The following FNDC8 variants were observed in gnomAD, a reference collection of about 807,000 sequenced individuals.
The protein encoded by FNDC8 is fibronectin type III domain-containing protein 8.
FNDC8 carries 23 observed loss-of-function variants against 24.8 expected under a neutral mutation model. That is an observed-to-expected ratio of 0.93 (90% CI 0.67 to 1.31). The LOEUF (loss-of-function observed/expected upper bound fraction) is 1.31, where lower values mean the gene tolerates loss of function less well. FNDC8 is among the 40% of genes most tolerant of loss of function. The pLI, the probability that FNDC8 is intolerant of heterozygous loss-of-function variation, is 0.00. For missense variants in FNDC8, 371 were observed against 398.2 expected, an observed-to-expected ratio of 0.93 and a Z score of 0.58; for synonymous variants, 158 against 165.3, an observed-to-expected ratio of 0.96 and a Z score of 0.34.
chr17:35,129,989 A>G, intron 3 of FNDC8: 1 of 1,378,280 alleles, frequency 7.3e-7, no homozygotes, highest in Non-Finnish European at 9.4e-7. Context: ...AGAAATAGGG[A>G]AGACAAGAGG....
chr17:35,129,956 G>C, intron 3 of FNDC8: 1 of 1,373,040 alleles, frequency 7.3e-7, no homozygotes, highest in Non-Finnish European at 9.4e-7. Context: ...TTGTGAGTAG[G>C]CTGGGAAGTC....
At position 35,129,460 on chromosome 17, in the gene FNDC8, T is replaced by C; in HGVS notation, c.624T>C (p.Ser208=). The change falls in exon 3 of 4, where the codon AGT becomes AGC. Residue 208 remains serine, a synonymous_variant. Coordinates refer to ENST00000158009, the MANE Select transcript of FNDC8 (RefSeq NM_017559.4). ...ACGCCTTGGGCAAGCAGCCGGTCAG[T>C]TTCTACCAGCTCCTGTTACAGGAGG... is the stretch of plus-strand genomic sequence containing the variant. The part of the protein sequence containing the change: ...WTYALGKQPV[S]FYQLLLQEVA... 10 of 1,614,162 alleles carry C rather than the reference T, an allele frequency of 6.2e-6. No homozygotes were observed. The highest frequency in any genetic ancestry group is 8.5e-6 in the Non-Finnish European group (10 of 1,180,022).
At chr17:35,130,242 C>T (rs776798336) in intron 3 of FNDC8, 40 bp from the exon 4 acceptor site, 1 of 1,603,380 alleles carries the variant, frequency 6.2e-7, no homozygotes. Flanking sequence ...AGGTTCAGAT[C>T]TGGGAAGGAA....
At chr17:35,129,164 T>A in intron 2 of FNDC8, 1 of 425,978 alleles carries the variant, frequency 2.3e-6, no homozygotes, top group Non-Finnish European at 4.3e-6. Context: ...GCCCAAGGGT[T>A]GAGGACCCCT....
chr17:35,126,497 C>CATTTTTT lies in FNDC8; in HGVS notation c.210-545_210-544insATTTTTT, dbSNP rs1555571324. On this transcript the variant is annotated intron_variant, in intron 1 of 3. Coordinates refer to ENST00000158009, the MANE Select transcript of FNDC8 (RefSeq NM_017559.4). ...AACACTTGCATCAGGATTTTCTAAG[C>CATTTTTT]TTTTTTTTTTTTTTTTTTTTTTTGA... 9.8e-5 allele frequency among the ~76,000 whole-genome samples: 11 copies of CATTTTTT among 112,046 alleles called. 2 individuals are homozygous for CATTTTTT. The highest frequency in any genetic ancestry group is 5.4e-5 in the Non-Finnish European group (3 of 55,106). 73.5% of individuals were successfully genotyped at this position (112,046 alleles called of 152,430 possible).
chr17:35,122,177 T>A (rs1245970513), intron 1 of FNDC8, among the ~76,000 whole-genome samples: 4 of 27,164 alleles, frequency 1.5e-4, no homozygotes, highest in African/African-American at 7.6e-4. Flanking sequence ...TATATATATA[T>A]ATATATATAT....
In FNDC8 at chr17:35,130,567, C is replaced by G. The variant is rs748360891; in HGVS notation, c.*133C>G. 5.3e-5 allele frequency: 50 copies of G among 947,686 alleles called. No individual in the cohort carries two copies. Among genetic ancestry groups the G allele is most frequent in the Non-Finnish European group, 7.4e-5 (48 of 651,878 alleles). 58.7% of individuals were successfully genotyped at this position (947,686 alleles called of 1,614,324 possible). A position where few individuals can be genotyped will look rare whatever the true frequency, so the allele number is the denominator to read the frequency against. ...GTCTGGCAGAGTGGTATGGGCACCC[C>G]ACCCCTGGGCTGGGGCCAAGGCTAC... On this transcript the variant is annotated 3_prime_UTR_variant, in exon 4 of 4. Coordinates refer to ENST00000158009, the MANE Select transcript of FNDC8 (RefSeq NM_017559.4).
At chr17:35,123,760 CA>C (rs371409392) in intron 1 of FNDC8, among the ~76,000 whole-genome samples, 1,570 of 139,886 alleles carry the variant, frequency 0.011, 25 homozygotes, top group African/African-American at 0.037. Context: ...CAAAACAAAA[CA>C]AAAAAAAAAA....
chr17:35,128,371 T>C (rs2091857089), intron 2 of FNDC8, among the ~76,000 whole-genome samples: 1 of 152,252 alleles, frequency 6.6e-6, no homozygotes, highest in Non-Finnish European at 1.5e-5. Flanking sequence ...TCCTCCAGGG[T>C]ATTCTAATGC....
chr17:35,130,730 G>A lies in FNDC8; in HGVS notation c.*296G>A. 1 of 354,638 alleles carries A rather than the reference G, an allele frequency of 2.8e-6. No homozygotes were observed. The highest frequency in any genetic ancestry group is 4.1e-5 in the South Asian group (1 of 24,100). The allele number at this position is 354,638 out of a possible 1,614,324, so 22.0% of individuals were successfully genotyped here. A position where few individuals can be genotyped will look rare whatever the true frequency, so the allele number is the denominator to read the frequency against. ...TCATTAAAGAACTGCAGGTCATCCA[G>A]CACCCTAAAGTCTGCTTTATGCTGC... On this transcript the variant is annotated 3_prime_UTR_variant, in exon 4 of 4. Transcript: ENST00000158009.
Position 35,127,119 on chromosome 17 carries a change from A to AC in FNDC8, c.291dup (p.Ile98HisfsTer36), listed in dbSNP as rs773235581. On this transcript the variant is annotated frameshift_variant, in exon 2 of 4. Coordinates refer to ENST00000158009, the MANE Select transcript of FNDC8 (RefSeq NM_017559.4). LOFTEE classifies it high-confidence loss of function. Reference sequence around the variant, plus strand: ...TCTGCCTTCTCATCCACCTTGCTGAACCCCATCAAATTAGCTGTGACCCAG... The same window carrying AC: ...TCTGCCTTCTCATCCACCTTGCTGAACCCCCATCAAATTAGCTGTGACCCAG... The AC allele has an allele frequency of 6.2e-7, 1 of 1,614,126 alleles. No homozygotes were observed. The highest frequency in any genetic ancestry group is 1.7e-5 in the Admixed American group (1 of 60,006).
chr17:35,130,242 C>G (rs776798336), intron 3 of FNDC8, 40 bp from the exon 4 acceptor site: 1 of 1,603,380 alleles, frequency 6.2e-7, no homozygotes, highest in Non-Finnish European at 8.5e-7. Flanking sequence ...AGGTTCAGAT[C>G]TGGGAAGGAA....
chr17:35,129,347 C>T, intron 2 of FNDC8, 75 bp from the exon 3 acceptor site: 10 of 1,561,296 alleles, frequency 6.4e-6, no homozygotes, highest in South Asian at 4.9e-5. Flanking sequence ...GACGTCCTGA[C>T]CCCAGTTGGG....
intron 2 of FNDC8, 37 bp from the exon 3 acceptor site, chr17:35,129,385 A>AT (rs1567741109): frequency 6.2e-7 from 1 of 1,603,902 alleles, no homozygotes; most frequent in South Asian, 1.1e-5. Context: ...AGGACAGGAC[A>AT]TATCTGAGGA....
intron 1 of FNDC8, among the ~76,000 whole-genome samples, chr17:35,122,373 C>G (rs1056657575): frequency 6.6e-6 from 1 of 150,922 alleles, no homozygotes; most frequent in Admixed American, 6.6e-5. Context: ...GAGGGCTGGG[C>G]AGAGAGACAA....
chr17:35,121,989 T>C, intron 1 of FNDC8, 87 bp downstream of exon 1: 3 of 111,680 alleles, frequency 2.7e-5, no homozygotes, highest in Non-Finnish European at 3.2e-5. Flanking sequence ...CTTCCTTCCT[T>C]TTTTTTTTTT....
intron 1 of FNDC8, among the ~76,000 whole-genome samples, chr17:35,125,047 CAA>C (rs60189697): frequency 4.0e-4 from 25 of 62,438 alleles, no homozygotes; most frequent in Non-Finnish European, 5.8e-4. Context: ...GACTCCAGCT[CAA>C]AAAAAAAAAA....
Position 35,129,481 on chromosome 17 carries a change from G to A in FNDC8, c.645G>A (p.Gln215=), listed in dbSNP as rs901036818. The part of the protein sequence containing the change: ...QPVSFYQLLL[Q]EVAKTQENEL... The stretch of plus-strand genomic sequence containing the variant: ...TCAGTTTCTACCAGCTCCTGTTACA[G>A]GAGGTGGCCAAGACACAGGAGAATG... The change falls in exon 3 of 4, where the codon CAG becomes CAA. Residue 215 remains glutamine, a synonymous_variant. Coordinates refer to ENST00000158009, the MANE Select transcript of FNDC8 (RefSeq NM_017559.4). 6.2e-7 allele frequency: 1 copy of A among 1,614,124 alleles called. No homozygotes were observed. Among genetic ancestry groups the A allele is most frequent in the African/African-American group, 1.3e-5 (1 of 74,952 alleles).
chr17:35,125,065 A>T (rs1191823082), intron 1 of FNDC8, among the ~76,000 whole-genome samples: 1 of 151,786 alleles, frequency 6.6e-6, no homozygotes, highest in African/African-American at 2.4e-5. Flanking sequence ...AAAAAAAAGA[A>T]AAAAGAGTAA....
Sources: allele counts gnomAD v4.1 joint callset (sites outside exome capture counted in the v4.1 genomes callset), GRCh38; gene constraint gnomAD v4.1.1; transcripts MANE v1.5; gene names NCBI Gene and HGNC (gene_info 2026-07-23, HGNC 2026-07-21).